The following SEMA6D variants were observed in gnomAD, a reference collection of about 807,000 sequenced individuals.
SEMA6D encodes the protein semaphorin-6D.
SEMA6D carries 35 observed loss-of-function variants against 106.6 expected under a neutral mutation model. The observed-to-expected ratio is 0.33, with a 90% CI of 0.25 to 0.44. The LOEUF (loss-of-function observed/expected upper bound fraction) is 0.44, where lower values mean the gene tolerates loss of function less well. SEMA6D is among the 20% of genes least tolerant of loss of function. The pLI is 1.00. For synonymous variants in SEMA6D, 499 were observed against 487.7 expected (o/e 1.02, Z -0.31); for missense variants, 1,185 against 1,345.9 (o/e 0.88, Z 1.87).
chr15:47,758,616 A>G (rs939746578), intron 1 of SEMA6D, among the ~76,000 whole-genome samples: 3 of 152,186 alleles, frequency 2.0e-5, no homozygotes, highest in Admixed American at 1.3e-4. Context: ...TGATAGCTTT[A>G]TTGAGGTATT....
intron 1 of SEMA6D, among the ~76,000 whole-genome samples, chr15:47,234,407 T>C (rs2032408851): frequency 6.6e-6 from 1 of 152,024 alleles, no homozygotes. Context: ...ATGAACTGTA[T>C]AGTGTTGAAG....
At chr15:47,411,661 G>T (rs1043033330) in intron 1 of SEMA6D, among the ~76,000 whole-genome samples, 4 of 152,056 alleles carry the variant, frequency 2.6e-5, no homozygotes, top group Admixed American at 2.6e-4. Flanking sequence ...GGTTTTCAAA[G>T]AGGCTTCATA....
chr15:47,199,666 C>A (rs1234275790), intron 1 of SEMA6D, among the ~76,000 whole-genome samples: 1 of 152,134 alleles, frequency 6.6e-6, no homozygotes, highest in African/African-American at 2.4e-5. Flanking sequence ...CTGTGCTCAA[C>A]TTTTCCATGA....
chr15:47,228,282 T>C (rs1566938938), intron 1 of SEMA6D, among the ~76,000 whole-genome samples: 1 of 151,594 alleles, frequency 6.6e-6, no homozygotes. Context: ...GGAAGAACAT[T>C]GGTTTTGTAT....
At position 47,770,934 on chromosome 15, in the gene SEMA6D, C is replaced by T. The variant is rs750407011; in HGVS notation, c.2371C>T (p.His791Tyr). ...GAAGACCCTGCAGGCCATGAAGAGC[C>T]ACTCAGAAAAGGCCCATGGCCATGG... ...HQKTLQAMKS[H>Y]SEKAHGHGAS... Residue 791 changes from histidine (H) to tyrosine (Y), a missense_variant, in exon 19 of 19, where the codon CAC (histidine) becomes TAC (tyrosine). By Grantham distance (83) the His-to-Tyr change is moderately conservative. Coordinates refer to ENST00000536845, the MANE Select transcript of SEMA6D (RefSeq NM_001358351.3). 1 of 1,614,094 alleles carries T rather than the reference C, an allele frequency of 6.2e-7. No individual in the cohort carries two copies. The highest frequency in any genetic ancestry group is 8.5e-7 in the Non-Finnish European group (1 of 1,180,008).
chr15:47,422,990 A>G (rs1371865599), intron 2 of SEMA6D, among the ~76,000 whole-genome samples: 1 of 152,100 alleles, frequency 6.6e-6, no homozygotes. Flanking sequence ...GGAGAAAAAA[A>G]GACCTTTGGG....
intron 1 of SEMA6D, among the ~76,000 whole-genome samples, chr15:47,337,552 G>A (rs996277597): frequency 1.3e-5 from 2 of 152,140 alleles, no homozygotes; most frequent in African/African-American, 2.4e-5. Context: ...TTGGATGGCC[G>A]ATCATCATTT....
intron 3 of SEMA6D, among the ~76,000 whole-genome samples, chr15:47,483,834 C>T (rs1427447186): frequency 6.6e-6 from 1 of 152,060 alleles, no homozygotes; most frequent in Non-Finnish European, 1.5e-5. Flanking sequence ...ATTGGCTATG[C>T]TATCTCAGTC....
rs117447365 is a variant in SEMA6D at position 47,674,617 on chromosome 15, C to A, written c.-55+73721C>A. Among the ~76,000 whole-genome samples the A allele has an allele frequency of 1.0e-2, 1,517 of 152,286 alleles. 14 individuals are homozygous for A. Among genetic ancestry groups the A allele is most frequent in the South Asian group, 0.044 (212 of 4,816 alleles). ...AGGGTGAGGGTTCTGCGTATCACCA[C>A]TCAGGATCACTCATTAGACCTTGCC... On this transcript the variant is annotated intron_variant, in intron 4 of 19. Transcript: ENST00000558014.
intron 1 of SEMA6D, among the ~76,000 whole-genome samples, chr15:47,273,700 A>G (rs2034666701): frequency 6.6e-6 from 1 of 152,180 alleles, no homozygotes; most frequent in Non-Finnish European, 1.5e-5. Context: ...TATGTTTCCT[A>G]ATCAGAGTTG....
chr15:47,242,879 T>C (rs770940108), intron 1 of SEMA6D, among the ~76,000 whole-genome samples: 1 of 152,144 alleles, frequency 6.6e-6, no homozygotes, highest in Non-Finnish European at 1.5e-5. Flanking sequence ...GATGTATACC[T>C]ACTATGTAAA....
intron 1 of SEMA6D, among the ~76,000 whole-genome samples, chr15:47,315,620 C>A (rs1349142224): frequency 2.0e-5 from 3 of 152,098 alleles, no homozygotes; most frequent in African/African-American, 7.2e-5. Context: ...ATTAGTTTGT[C>A]AACATCTACA....
chr15:47,716,359 C>T (rs563300279), upstream of SEMA6D, among the ~76,000 whole-genome samples: 1 of 152,102 alleles, frequency 6.6e-6, no homozygotes, highest in Non-Finnish European at 1.5e-5. Context: ...TCAGAAACAA[C>T]GAGGACCAGG....
At chr15:47,602,771 C>T (rs2076690335) in intron 4 of SEMA6D, among the ~76,000 whole-genome samples, 1 of 152,184 alleles carries the variant, frequency 6.6e-6, no homozygotes, top group Admixed American at 6.5e-5. Flanking sequence ...ACACCATCTC[C>T]TGAGCTCCAT....
chr15:47,420,511 T>C (rs1409647779), intron 2 of SEMA6D, among the ~76,000 whole-genome samples: 1 of 152,022 alleles, frequency 6.6e-6, no homozygotes, highest in East Asian at 1.9e-4. Flanking sequence ...AGTTGCCCCA[T>C]AGTTTTGCCC....
intron 1 of SEMA6D, among the ~76,000 whole-genome samples, chr15:47,307,678 A>G (rs528106446): frequency 1.3e-5 from 2 of 152,294 alleles, no homozygotes; most frequent in East Asian, 3.9e-4. Context: ...GTCTGATATC[A>G]GCTGAAGTTG....
intron 3 of SEMA6D, among the ~76,000 whole-genome samples, chr15:47,565,353 G>C (rs558197297): frequency 1.3e-3 from 198 of 152,274 alleles, no homozygotes; most frequent in African/African-American, 4.5e-3. Flanking sequence ...AGTGAGTGGA[G>C]ATCATCCCTG....
chr15:47,395,936 A>T (rs1171204948), intron 1 of SEMA6D, among the ~76,000 whole-genome samples: 1 of 152,164 alleles, frequency 6.6e-6, no homozygotes, highest in African/African-American at 2.4e-5. Context: ...TCCCAATGTG[A>T]TATTAGTAGG....
intron 3 of SEMA6D, among the ~76,000 whole-genome samples, chr15:47,534,679 T>C (rs2045096833): frequency 6.6e-6 from 1 of 152,174 alleles, no homozygotes; most frequent in Non-Finnish European, 1.5e-5. Context: ...GACTACGTAA[T>C]GCTTTCGGGG....
Sources: gnomAD v4.1 joint callset for allele counts (sites outside exome capture counted in the v4.1 genomes callset) on GRCh38, gnomAD v4.1.1 for gene constraint, MANE v1.5 for transcripts, NCBI Gene and HGNC (gene_info 2026-07-23, HGNC 2026-07-21) for gene names.